The following EGR2 variants were observed in gnomAD, a reference collection of about 807,000 sequenced individuals.
The protein encoded by EGR2 is early growth response 2.
In EGR2, 2 loss-of-function variants were observed where a neutral mutation model predicts 21.2. The ratio of observed to expected loss-of-function variants is 0.09; its 90% CI spans 0.04 to 0.30. EGR2 has a LOEUF of 0.30. Ranked by LOEUF, EGR2 falls within the 10% of genes least tolerant of loss-of-function variation. EGR2 has a pLI of 1.00. For missense variants in EGR2, 458 were observed against 630.2 expected, an observed-to-expected ratio of 0.73 and a Z score of 2.93; for synonymous variants, 282 against 258.2, an observed-to-expected ratio of 1.09 and a Z score of -0.88.
Position 62,816,265 on chromosome 10 carries a change from G to A in EGR2, c.-236C>T. On this transcript the variant is annotated 5_prime_UTR_variant, in exon 1 of 2. Coordinates refer to ENST00000242480, the MANE Select transcript of EGR2 (RefSeq NM_000399.5). ...ATTTGCCACTGACTCTCTCCTGTCT[G>A]TGTTCCGGCTGCTGGGAAGCCAGGA... 2.9e-6 allele frequency: 4 copies of A among 1,383,522 alleles called. No individual in the cohort carries two copies. The highest frequency in any genetic ancestry group is 3.7e-6 in the Non-Finnish European group (4 of 1,066,712). The allele number at this position is 1,383,522 out of a possible 1,614,324, so 85.7% of individuals were successfully genotyped here.
chr10:62,813,873 G>A lies in EGR2; in HGVS notation c.765C>T (p.Thr255=), dbSNP rs1174378727. Residue 255 remains threonine, a synonymous_variant, in exon 2 of 2, where the codon ACC becomes ACT. Transcript: ENST00000242480. This position sits in a 1 kb window ranked among gnomAD's most constrained non-coding sequence, Gnocchi z 5.7. Reference sequence around the variant, plus strand: ...GAGTGAGTGGAGGGGGCACCCGCAGGGTGTCCAGTGGGCAGGGAAAGGGCT... The same window carrying A: ...GAGTGAGTGGAGGGGGCACCCGCAGAGTGTCCAGTGGGCAGGGAAAGGGCT... ...DRKPFPCPLD[T]LRVPPPLTPL... 9.3e-6 allele frequency: 15 copies of A among 1,614,188 alleles called. No homozygotes were observed. Among genetic ancestry groups the A allele is most frequent in the Non-Finnish European group, 1.2e-5 (14 of 1,180,034 alleles).
Position 62,813,558 on chromosome 10 carries a change from G to A in EGR2, c.1080C>T (p.His360=), listed in dbSNP as rs766297007. The change falls in exon 2 of 2, where the codon CAC becomes CAT. Residue 360 remains histidine (H), a synonymous_variant. Transcript: ENST00000242480. The surrounding 1 kb of genome is among the most constrained non-coding windows in gnomAD (Gnocchi z 5.7). Reference sequence around the variant, plus strand: ...GCTTATGCCCAGTGTGGATTCGGATGTGCCGTGTCAGCTCGTCAGAGCGGG... The same window carrying A: ...GCTTATGCCCAGTGTGGATTCGGATATGCCGTGTCAGCTCGTCAGAGCGGG... The part of the protein sequence containing the change: ...RFSRSDELTR[H]IRIHTGHKPF... 5 of 1,613,212 alleles carry A rather than the reference G, an allele frequency of 3.1e-6. No homozygotes were observed. Among genetic ancestry groups the A allele is most frequent in the South Asian group, 1.1e-5 (1 of 91,074 alleles).
rs752133958 is a variant in EGR2 at position 62,813,596 on chromosome 10, C to T, written c.1042G>A (p.Asp348Asn). 1.7e-5 allele frequency: 28 copies of T among 1,612,870 alleles called. No individual in the cohort carries two copies. The highest frequency in any genetic ancestry group is 2.4e-5 in the Non-Finnish European group (28 of 1,180,036). The change falls in exon 2 of 2, where the codon GAC (aspartate) becomes AAC (asparagine). Residue 348 changes from aspartate (D) to asparagine (N), a missense_variant. Physicochemically the swap from Asp to Asn is conservative, Grantham distance 23. Around this residue, in one of 5 missense-constraint regions of EGR2, gnomAD observed 39 missense variants for 113.7 expected, o/e 0.34. Transcript: ENST00000242480. The surrounding 1 kb of genome is among the most constrained non-coding windows in gnomAD (Gnocchi z 5.7). ...RPYPCPAEGCDRRFSRSDELT... is the reference protein window; with the variant it reads ...RPYPCPAEGCNRRFSRSDELT... ...TCGTCAGAGCGGGAGAACCGCCGGT[C>T]GCAGCCTTCTGCTGGGCACGGGTAG...
chr10:62,815,520 C>G (rs1251430707), intron 1 of EGR2, among the ~76,000 whole-genome samples: 1 of 152,194 alleles, frequency 6.6e-6, no homozygotes, highest in Non-Finnish European at 1.5e-5. Context: ...TTGCCCCTGC[C>G]CCGGGAGAGG....
At chr10:62,815,200 C>G (rs1401419240) in intron 1 of EGR2, among the ~76,000 whole-genome samples, 2 of 152,250 alleles carry the variant, frequency 1.3e-5, no homozygotes, top group Non-Finnish European at 2.9e-5. Context: ...CCAAGGAAAC[C>G]GGCGTCGCCG....
chr10:62,816,266 T>A lies in EGR2; in HGVS notation c.-237A>T. On this transcript the variant is annotated 5_prime_UTR_variant, in exon 1 of 2. Transcript: ENST00000242480. ...TTTGCCACTGACTCTCTCCTGTCTGTGTTCCGGCTGCTGGGAAGCCAGGAG... is the reference window on the plus strand; with the variant it reads ...TTTGCCACTGACTCTCTCCTGTCTGAGTTCCGGCTGCTGGGAAGCCAGGAG... 1 of 1,380,800 alleles carries A rather than the reference T, an allele frequency of 7.2e-7. No homozygotes were observed. Among genetic ancestry groups the A allele is most frequent in the East Asian group, 2.9e-5 (1 of 34,448 alleles). 85.5% of individuals were successfully genotyped at this position (1,380,800 alleles called of 1,614,324 possible). A position where few individuals can be genotyped will look rare whatever the true frequency, so the allele number is the denominator to read the frequency against.
At chr10:62,819,099 G>C (rs1434360423), upstream of EGR2, 2 of 152,412 alleles carry the variant, frequency 1.3e-5, no homozygotes, top group Non-Finnish European at 2.9e-5. Context: ...AAATGAGAGT[G>C]ACTGACCCTC....
At chr10:62,816,833 A>G (rs1376392141), upstream of EGR2, among the ~76,000 whole-genome samples, 1 of 152,024 alleles carries the variant, frequency 6.6e-6, no homozygotes, top group African/African-American at 2.4e-5. Flanking sequence ...GAGCCGAGAC[A>G]CTACAGTCAA....
rs1341753759 is a variant in EGR2 at position 62,816,054 on chromosome 10, C to A, written c.-25G>T. 6 of 1,614,004 alleles carry A rather than the reference C, an allele frequency of 3.7e-6. No individual in the cohort carries two copies. The highest frequency in any genetic ancestry group is 5.1e-6 in the Non-Finnish European group (6 of 1,180,004). On this transcript the variant is annotated 5_prime_UTR_variant, in exon 1 of 2. Transcript: ENST00000242480. ...TTTGCTCCTCGCACAACCTGGAGACCCAACTCCCTCGCTACCTGGAGTGTC... is the reference window on the plus strand; with the variant it reads ...TTTGCTCCTCGCACAACCTGGAGACACAACTCCCTCGCTACCTGGAGTGTC...
upstream of EGR2, among the ~76,000 whole-genome samples, chr10:62,817,877 G>A (rs1438710493): frequency 1.3e-5 from 2 of 152,360 alleles, no homozygotes; most frequent in South Asian, 4.1e-4. This position sits in a 1 kb window ranked among gnomAD's most constrained non-coding sequence, Gnocchi z 4.4. Context: ...AGCCGGGCCT[G>A]TCCGGGGCCC....
chr10:62,818,399 G>T, upstream of EGR2: 1 of 260,222 alleles, frequency 3.8e-6, no homozygotes, highest in Non-Finnish European at 6.6e-6. Flanking sequence ...TTTTCCAATT[G>T]GGGATGAAAA....
upstream of EGR2, chr10:62,818,509 A>C (rs1420974196): frequency 1.7e-6 from 2 of 1,152,218 alleles, no homozygotes; most frequent in African/African-American, 3.3e-5. Context: ...AAGAAAGAAA[A>C]GAAAAGCAAG....
At position 62,814,045 on chromosome 10, in the gene EGR2, G is replaced by A; in HGVS notation, c.593C>T (p.Ser198Phe). The change falls in exon 2 of 2, where the codon TCC becomes TTC. Residue 198 changes from serine (S) to phenylalanine (F), a missense_variant. Around this residue, in one of 5 missense-constraint regions of EGR2, gnomAD observed 253 missense variants for 315.5 expected, o/e 0.80. Coordinates refer to ENST00000242480, the MANE Select transcript of EGR2 (RefSeq NM_000399.5). This position sits in a 1 kb window ranked among gnomAD's most constrained non-coding sequence, Gnocchi z 4.8. Reference sequence around the variant, plus strand: ...AGGAGGTGGTGGGTAGGCCAGAGAGGAAGAGGTGGAGGTGGTGGCTGCTGA... The same window carrying A: ...AGGAGGTGGTGGGTAGGCCAGAGAGAAAGAGGTGGAGGTGGTGGCTGCTGA... Reference protein sequence around the residue: ...FLSAATTSTSSSLAYPPPPSY... With the variant: ...FLSAATTSTSFSLAYPPPPSY... The A allele has an allele frequency of 6.2e-7, 1 of 1,614,180 alleles. No homozygotes were observed. Among genetic ancestry groups the A allele is most frequent in the Non-Finnish European group, 8.5e-7 (1 of 1,180,022 alleles).
chr10:62,814,807 C>T lies in EGR2; in HGVS notation c.170-339G>A, dbSNP rs1205221407. On this transcript the variant is annotated intron_variant, in intron 1 of 1. Coordinates refer to ENST00000242480, the MANE Select transcript of EGR2 (RefSeq NM_000399.5). The surrounding 1 kb of genome is among the most constrained non-coding windows in gnomAD (Gnocchi z 4.8). ...ACAATATTTTAAAAAGCCTCATCCGCCCGGAGCTTTTCTCCCTCTTTTTTG... is the reference window on the plus strand; with the variant it reads ...ACAATATTTTAAAAAGCCTCATCCGTCCGGAGCTTTTCTCCCTCTTTTTTG... Among the ~76,000 whole-genome samples the T allele has an allele frequency of 6.6e-6, 1 of 152,244 alleles. No homozygotes were observed. Among genetic ancestry groups the T allele is most frequent in the Non-Finnish European group, 1.5e-5 (1 of 68,052 alleles).
chr10:62,817,207 AGCG>A (rs1275023033), upstream of EGR2, among the ~76,000 whole-genome samples: 1 of 151,960 alleles, frequency 6.6e-6, no homozygotes, highest in Non-Finnish European at 1.5e-5. This position sits in a 1 kb window ranked among gnomAD's most constrained non-coding sequence, Gnocchi z 4.4. Context: ...TGCTGCGCGG[AGCG>A]GGCGCCCTTC....
chr10:62,817,649 C>A (rs766176092), upstream of EGR2, among the ~76,000 whole-genome samples: 8 of 152,140 alleles, frequency 5.3e-5, no homozygotes, highest in Non-Finnish European at 1.2e-4. The surrounding 1 kb of genome is among the most constrained non-coding windows in gnomAD (Gnocchi z 4.4). Context: ...GAGCCCAGCG[C>A]GGTCCTCAGT....
At position 62,814,459 on chromosome 10, in the gene EGR2, A is replaced by G. The variant is rs1364933353; in HGVS notation, c.179T>C (p.Ile60Thr). 2 of 1,613,872 alleles carry G rather than the reference A, an allele frequency of 1.2e-6. No individual in the cohort carries two copies. Among genetic ancestry groups the G allele is most frequent in the Non-Finnish European group, 1.7e-6 (2 of 1,179,988 alleles). ...QMNGVAGDGM[I>T]NIDMTGEKRS... ...CTTCTCTCCAGTCATGTCAATGTTG[A>G]TCATGCCATCTGGGGAGGGGAAAGG... The change falls in exon 2 of 2, where the codon ATC (isoleucine) becomes ACC (threonine). Residue 60 changes from isoleucine (I) to threonine (T), a missense_variant. Coordinates refer to ENST00000242480, the MANE Select transcript of EGR2 (RefSeq NM_000399.5). The surrounding 1 kb of genome is among the most constrained non-coding windows in gnomAD (Gnocchi z 4.8).
upstream of EGR2, among the ~76,000 whole-genome samples, chr10:62,817,894 A>G (rs1038855791): frequency 2.0e-5 from 3 of 152,220 alleles, no homozygotes; most frequent in African/African-American, 7.2e-5. This position sits in a 1 kb window ranked among gnomAD's most constrained non-coding sequence, Gnocchi z 4.4. Flanking sequence ...GCCCCACAGG[A>G]GGCTGGTCCC....
At position 62,813,082 on chromosome 10, in the gene EGR2, C is replaced by T; in HGVS notation, c.*125G>A. ...TGGAAAGGGGGCAGTGCTAGCTCCA[C>T]CAAAGCCCTTTGCCCAACAAAGGGA... On this transcript the variant is annotated 3_prime_UTR_variant, in exon 2 of 2. Transcript: ENST00000242480. The surrounding 1 kb of genome is among the most constrained non-coding windows in gnomAD (Gnocchi z 5.7). 1.8e-6 allele frequency: 2 copies of T among 1,132,942 alleles called. No individual in the cohort carries two copies. Among genetic ancestry groups the T allele is most frequent in the Non-Finnish European group, 2.5e-6 (2 of 805,882 alleles). 70.2% of individuals were successfully genotyped at this position (1,132,942 alleles called of 1,614,324 possible).
Sources: gnomAD v4.1 joint callset for allele counts (sites outside exome capture counted in the v4.1 genomes callset) on GRCh38, gnomAD v4.1.1 for gene constraint, gnomAD v4.1.1 regional missense constraint, Gnocchi (gnomAD v3.1) non-coding constraint, MANE v1.5 for transcripts, NCBI Gene and HGNC (gene_info 2026-07-23, HGNC 2026-07-21) for gene names.